USO1: variants seen among roughly 807,000 people sequenced by gnomAD.
USO1 encodes the protein USO1 vesicle transport factor, also known as general vesicular transport factor p115.
USO1 carries 57 observed loss-of-function variants against 124.5 expected under a neutral mutation model. The observed-to-expected ratio is 0.46, with a 90% CI of 0.37 to 0.57. The LOEUF (loss-of-function observed/expected upper bound fraction) is 0.57. Among genes scored for constraint, USO1 ranks in the 20% least tolerant of loss-of-function variants. USO1 has a pLI of 0.00. For synonymous variants in USO1, 369 were observed against 362.8 expected (o/e 1.02, Z -0.19); for missense variants, 900 against 1,040.6 (o/e 0.86, Z 1.86).
intron 4 of USO1, among the ~76,000 whole-genome samples, chr4:75,766,518 C>T (rs1431014637): frequency 6.6e-6 from 1 of 152,100 alleles, no homozygotes; most frequent in Non-Finnish European, 1.5e-5. Context: ...AGGGACAGTG[C>T]TAAACATCTT....
At chr4:75,788,204 G>A (rs1257355825) in intron 10 of USO1, among the ~76,000 whole-genome samples, 2 of 131,876 alleles carry the variant, frequency 1.5e-5, no homozygotes, top group Non-Finnish European at 3.1e-5. Flanking sequence ...GTCTCAGTCT[G>A]TTGCCCAGGC....
chr4:75,746,097 T>C (rs750723053), intron 1 of USO1, among the ~76,000 whole-genome samples: 2 of 152,190 alleles, frequency 1.3e-5, no homozygotes, highest in Non-Finnish European at 2.9e-5. Flanking sequence ...CAGGTCCTGC[T>C]TTTTATCTTA....
At chr4:75,775,988 G>A (rs1016984738) in intron 8 of USO1, among the ~76,000 whole-genome samples, 4 of 152,164 alleles carry the variant, frequency 2.6e-5, no homozygotes, top group Admixed American at 1.3e-4. Flanking sequence ...GGTATTAGAC[G>A]GGTTGCTGTT....
intron 4 of USO1, chr4:75,767,387 G>A: frequency 2.5e-6 from 1 of 406,054 alleles, no homozygotes; most frequent in Admixed American, 2.9e-5. Context: ...ATGAACATAT[G>A]TAAATAAACA....
intron 13 of USO1, 52 bp from the exon 14 acceptor site, chr4:75,799,570 T>C (rs1722782398): frequency 6.3e-7 from 1 of 1,597,884 alleles, no homozygotes; most frequent in Non-Finnish European, 8.5e-7. Context: ...CAACTTTAAG[T>C]TTGAAAAATA....
intron 10 of USO1, among the ~76,000 whole-genome samples, chr4:75,788,254 G>A (rs1237190900): frequency 6.2e-5 from 9 of 145,660 alleles, no homozygotes; most frequent in African/African-American, 2.3e-4. Flanking sequence ...TGCAACCCCC[G>A]CCTTCCGGGT....
At chr4:75,798,663 TTAGAA>T (rs1233487012) in intron 13 of USO1, among the ~76,000 whole-genome samples, 2 of 152,220 alleles carry the variant, frequency 1.3e-5, no homozygotes, top group Non-Finnish European at 2.9e-5. Flanking sequence ...GTTTGTGAAA[TTAGAA>T]TAGTCTGGGT....
At chr4:75,779,075 A>G (rs1409448769) in intron 8 of USO1, among the ~76,000 whole-genome samples, 3 of 152,116 alleles carry the variant, frequency 2.0e-5, no homozygotes, top group African/African-American at 4.8e-5. Flanking sequence ...TGATGTTACT[A>G]TTGTAATTGT....
chr4:75,735,365 G>C (rs1378578403), intron 1 of USO1, among the ~76,000 whole-genome samples: 1 of 152,158 alleles, frequency 6.6e-6, no homozygotes, highest in African/African-American at 2.4e-5. Context: ...TCCAGGTTTA[G>C]AATCATATTA....
intron 4 of USO1, among the ~76,000 whole-genome samples, chr4:75,760,136 C>T (rs976986828): frequency 1.3e-5 from 2 of 151,774 alleles, no homozygotes; most frequent in African/African-American, 2.4e-5. Flanking sequence ...TGCTTGAACC[C>T]GGGAGGCGGA....
chr4:75,812,590 C>G (rs1723180948), intron 23 of USO1, among the ~76,000 whole-genome samples: 1 of 152,072 alleles, frequency 6.6e-6, no homozygotes, highest in Admixed American at 6.5e-5. Context: ...AGACTATTTT[C>G]TTTTGGACCG....
chr4:75,772,138 A>G (rs1259705587), intron 7 of USO1, among the ~76,000 whole-genome samples: 7 of 152,234 alleles, frequency 4.6e-5, no homozygotes, highest in Non-Finnish European at 8.8e-5. Flanking sequence ...CTCCTAGTCT[A>G]TGGATACAGT....
At chr4:75,787,305 T>G in intron 10 of USO1, 103 bp downstream of exon 10, 1 of 1,326,694 alleles carries the variant, frequency 7.5e-7, no homozygotes. Flanking sequence ...GTTAACCATT[T>G]TTTAGGTTAA....
chr4:75,793,974 G>A, intron 13 of USO1, 73 bp downstream of exon 13: 1 of 1,579,470 alleles, frequency 6.3e-7, no homozygotes, highest in Non-Finnish European at 8.6e-7. Context: ...GATGTCTTTA[G>A]AAGATGCAGA....
chr4:75,789,483 C>G (rs1242633945), intron 10 of USO1, among the ~76,000 whole-genome samples: 1 of 152,136 alleles, frequency 6.6e-6, no homozygotes, highest in Non-Finnish European at 1.5e-5. Context: ...CCATGTTGGT[C>G]AGGCTGGTCT....
intron 1 of USO1, among the ~76,000 whole-genome samples, chr4:75,731,051 A>G (rs940861015): frequency 6.6e-6 from 1 of 152,222 alleles, no homozygotes; most frequent in Non-Finnish European, 1.5e-5. Flanking sequence ...TTTATGGGAA[A>G]GAGCATGGAG....
intron 1 of USO1, among the ~76,000 whole-genome samples, chr4:75,746,573 A>T (rs1232054069): frequency 1.3e-5 from 2 of 152,214 alleles, no homozygotes; most frequent in Admixed American, 1.3e-4. Context: ...CTAAAACATG[A>T]CTAGGTCTTT....
intron 13 of USO1, among the ~76,000 whole-genome samples, chr4:75,795,012 C>G (rs1225100957): frequency 6.6e-6 from 1 of 152,152 alleles, no homozygotes; most frequent in African/African-American, 2.4e-5. Flanking sequence ...AATTATCTCT[C>G]TCATCACCAT....
intron 8 of USO1, among the ~76,000 whole-genome samples, chr4:75,780,550 C>T (rs1238086260): frequency 1.3e-5 from 2 of 148,898 alleles, no homozygotes; most frequent in Non-Finnish European, 3.0e-5. Context: ...GGATTACAGA[C>T]GTGAGCCACT....
Sources: gnomAD v4.1 joint callset for allele counts (sites outside exome capture counted in the v4.1 genomes callset) on GRCh38, gnomAD v4.1.1 for gene constraint, MANE v1.5 for transcripts, NCBI Gene and HGNC (gene_info 2026-07-23, HGNC 2026-07-21) for gene names.